Variants in TENM1 observed in about 807,000 individuals in gnomAD.
The protein encoded by TENM1 is teneurin transmembrane protein 1, also known as teneurin-1.
TENM1 carries 35 observed loss-of-function variants against 174.8 expected under a neutral mutation model. The observed-to-expected ratio is 0.20, with a 90% CI of 0.15 to 0.27. The LOEUF is 0.27. Ranked by LOEUF, TENM1 falls within the 10% of genes least tolerant of loss-of-function variation. TENM1 has a pLI of 1.00. For missense variants in TENM1, 1,633 were observed against 2,130.1 expected (o/e 0.77, Z 4.59); for synonymous variants, 781 against 798.7 (o/e 0.98, Z 0.37).
At chrX:124,756,880 T>G (rs1468795847) in intron 3 of TENM1, among the ~76,000 whole-genome samples, 1 of 111,575 alleles carries the variant, frequency 9.0e-6, no homozygotes, top group Non-Finnish European at 1.9e-5. Flanking sequence ...CCCGGCCGTG[T>G]GAGGTGTCAG....
chrX:125,106,345 C>G, the TENM1 span, among the ~76,000 whole-genome samples: 1 of 111,744 alleles, frequency 8.9e-6, no homozygotes, highest in South Asian at 3.8e-4. Flanking sequence ...ACTTATAGCT[C>G]CAATGTTTAG....
exon 4 of TENM1, chrX:124,737,176 T>C (rs2053694502): frequency 8.3e-7 from 1 of 1,204,523 alleles, no homozygotes; most frequent in African/African-American, 1.8e-5. Flanking sequence ...GGTGAACTGG[T>C]TGTGTGGGCT....
intron 11 of TENM1, among the ~76,000 whole-genome samples, chrX:124,595,017 A>T (rs1455995859): frequency 8.9e-6 from 1 of 111,740 alleles, no homozygotes; most frequent in Non-Finnish European, 1.9e-5. Context: ...AAAGTGTTGT[A>T]CTCCTTTGTG....
intron 6 of TENM1, among the ~76,000 whole-genome samples, chrX:124,659,480 T>G (rs908509892): frequency 8.9e-6 from 1 of 111,972 alleles, no homozygotes; most frequent in African/African-American, 3.2e-5. Context: ...AATTAAATAT[T>G]TCCTAAGTAA....
At chrX:124,615,360 A>C (rs778309865) in intron 11 of TENM1, among the ~76,000 whole-genome samples, 1 of 111,845 alleles carries the variant, frequency 8.9e-6, no homozygotes, top group South Asian at 3.7e-4. Context: ...CCAATTCAAG[A>C]AACTTAGTAT....
At chrX:125,094,983 A>T in the TENM1 span, among the ~76,000 whole-genome samples, 1 of 112,148 alleles carries the variant, frequency 8.9e-6, no homozygotes, top group African/African-American at 3.2e-5. Context: ...ACTTGAATAC[A>T]CTTCATGTAA....
chrX:125,038,164 A>G, the TENM1 span, among the ~76,000 whole-genome samples: 2 of 110,705 alleles, frequency 1.8e-5, no homozygotes, highest in Non-Finnish European at 3.8e-5. Context: ...TTTAGGATAT[A>G]TTTTTCTAGG....
intron 3 of TENM1, among the ~76,000 whole-genome samples, chrX:124,857,443 CAT>C (rs964701685): frequency 9.0e-6 from 1 of 111,652 alleles, no homozygotes; most frequent in Non-Finnish European, 1.9e-5. Flanking sequence ...TGTGTTATGA[CAT>C]AGACAAATTT....
At chrX:124,620,325 C>T (rs1319221644) in intron 11 of TENM1, among the ~76,000 whole-genome samples, 1 of 110,723 alleles carries the variant, frequency 9.0e-6, no homozygotes, top group Non-Finnish European at 1.9e-5. Flanking sequence ...TTGCTTTCTA[C>T]ATTCCAAATC....
the TENM1 span, among the ~76,000 whole-genome samples, chrX:125,047,188 T>A: frequency 9.0e-6 from 1 of 111,442 alleles, no homozygotes; most frequent in Admixed American, 9.6e-5. Context: ...AAATAAACAT[T>A]AGCGTATATG....
intron 15 of TENM1, among the ~76,000 whole-genome samples, chrX:124,531,698 A>G (rs1252477669): frequency 1.8e-5 from 2 of 112,144 alleles, no homozygotes; most frequent in Non-Finnish European, 3.8e-5. Context: ...CAAATGGCAT[A>G]CTGGCACTTG....
At chrX:125,152,959 T>TAG in the TENM1 span, among the ~76,000 whole-genome samples, 1 of 112,054 alleles carries the variant, frequency 8.9e-6, no homozygotes, top group African/African-American at 3.2e-5. Context: ...GGAACTGTCT[T>TAG]AGTAATATTC....
At chrX:124,998,157 T>C in the TENM1 span, among the ~76,000 whole-genome samples, 2 of 109,365 alleles carry the variant, frequency 1.8e-5, no homozygotes, top group African/African-American at 3.3e-5. Flanking sequence ...TTGCCACTAG[T>C]TTCTTTTTAT....
chrX:124,738,822 C>G (rs945261589), intron 3 of TENM1, among the ~76,000 whole-genome samples: 1 of 111,950 alleles, frequency 8.9e-6, no homozygotes, highest in Admixed American at 9.5e-5. Context: ...TGGAGATGCT[C>G]TCATTTTGCA....
chrX:124,606,390 T>C (rs1037501886), intron 11 of TENM1, among the ~76,000 whole-genome samples: 1 of 111,377 alleles, frequency 9.0e-6, no homozygotes, highest in Non-Finnish European at 1.9e-5. Flanking sequence ...TATTTAAAGA[T>C]ACCTAAGTGT....
rs758716692 is a variant in TENM1 at position 124,885,910 on chromosome X, C to T, written c.535+8386G>A. Among the ~76,000 whole-genome samples, 13 of 111,165 alleles carry T rather than the reference C, an allele frequency of 1.2e-4. No individual in the cohort carries two copies. In the South Asian group the frequency reaches 2.7e-3, roughly 23 times the overall value. ...TTCAAATTGTGAGCTATTCTGCATT[C>T]CACTTTAAATACCTACCCAAAAAAT... On this transcript the variant is annotated intron_variant, in intron 3 of 31. Transcript: ENST00000422452.
Position 124,498,750 on chromosome X carries a change from T to A in TENM1, c.3446-1485A>T, listed in dbSNP as rs760465089. ...CCATAGTTTGTTTTCCATAGCTCTG[T>A]TATAACATTTACCACATGTGTGATA... On this transcript the variant is annotated intron_variant, in intron 19 of 31. Coordinates refer to ENST00000422452, the Ensembl canonical transcript of TENM1. 6.4e-5 allele frequency among the ~76,000 whole-genome samples: 7 copies of A among 110,204 alleles called. No homozygotes were observed. In the East Asian group the frequency reaches 1.4e-3, roughly 23 times the overall value.
chrX:124,848,294 A>C (rs2041423531), intron 3 of TENM1, among the ~76,000 whole-genome samples: 1 of 110,437 alleles, frequency 9.1e-6, no homozygotes, highest in African/African-American at 3.3e-5. Flanking sequence ...GTGTATCTAA[A>C]TTTTCTGTGG....
intron 3 of TENM1, among the ~76,000 whole-genome samples, chrX:124,763,980 ATTTGCAGGG>A (rs1322730402): frequency 2.7e-5 from 3 of 111,946 alleles, no homozygotes; most frequent in African/African-American, 9.8e-5. Flanking sequence ...TATAATGGTT[ATTTGCAGGG>A]TTTGGCTAAA....
Sources: allele counts gnomAD v4.1 joint callset (sites outside exome capture counted in the v4.1 genomes callset), GRCh38; gene constraint gnomAD v4.1.1; transcripts MANE v1.5; gene names NCBI Gene and HGNC (gene_info 2026-07-23, HGNC 2026-07-21).